The following NRXN3 variants were observed in gnomAD, a reference collection of about 807,000 sequenced individuals.
NRXN3 encodes neurexin 3, also known as neurexin III.
A neutral mutation model predicts 137.6 loss-of-function variants in NRXN3; 32 were observed. The observed-to-expected ratio is 0.23, with a 90% CI of 0.18 to 0.31. The LOEUF is 0.31. Ranked by LOEUF, NRXN3 falls within the 10% of genes least tolerant of loss-of-function variation. NRXN3 has a pLI of 1.00. For synonymous variants in NRXN3, 798 were observed against 784.5 expected (o/e 1.02, Z -0.29); for missense variants, 1,574 against 2,062.5 (o/e 0.76, Z 4.59).
At chr14:79,630,464 T>C (rs1427355897) in intron 16 of NRXN3, among the ~76,000 whole-genome samples, 1 of 152,214 alleles carries the variant, frequency 6.6e-6, no homozygotes, top group Non-Finnish European at 1.5e-5. Flanking sequence ...TTAACTGTTC[T>C]TGTCACTTTG....
chr14:78,228,614 T>G (rs1184921917), intron 1 of NRXN3, among the ~76,000 whole-genome samples: 2 of 152,212 alleles, frequency 1.3e-5, no homozygotes, highest in Non-Finnish European at 2.9e-5. Context: ...CCCTTTCATG[T>G]AAGTGCTAAT....
At chr14:79,616,005 G>C (rs1400107948) in intron 16 of NRXN3, among the ~76,000 whole-genome samples, 1 of 152,156 alleles carries the variant, frequency 6.6e-6, no homozygotes, top group Non-Finnish European at 1.5e-5. Flanking sequence ...ATACCCAGCA[G>C]TATGAAGAAG....
At chr14:78,969,495 G>C (rs1427443110) in intron 14 of NRXN3, among the ~76,000 whole-genome samples, 1 of 152,064 alleles carries the variant, frequency 6.6e-6, no homozygotes, top group Non-Finnish European at 1.5e-5. Flanking sequence ...GCAATATATT[G>C]TGTTTCCTTG....
chr14:78,656,657 G>C (rs1022585926), intron 6 of NRXN3, among the ~76,000 whole-genome samples: 1 of 152,062 alleles, frequency 6.6e-6, no homozygotes, highest in African/African-American at 2.4e-5. Flanking sequence ...TTACCCATCA[G>C]GCCTTCATTC....
chr14:79,826,522 T>C (rs539776724), intron 20 of NRXN3, among the ~76,000 whole-genome samples: 25 of 152,318 alleles, frequency 1.6e-4, no homozygotes, highest in African/African-American at 6.0e-4. Flanking sequence ...CCTGAACCAT[T>C]TGAAACTCAG....
At chr14:79,531,197 T>A (rs2153719564) in intron 16 of NRXN3, among the ~76,000 whole-genome samples, 1 of 152,318 alleles carries the variant, frequency 6.6e-6, no homozygotes, top group Non-Finnish European at 1.5e-5. Flanking sequence ...AATGCTATGC[T>A]CATACCCTAG....
At chr14:79,189,290 A>G (rs2063934724) in intron 15 of NRXN3, among the ~76,000 whole-genome samples, 1 of 151,534 alleles carries the variant, frequency 6.6e-6, no homozygotes, top group Non-Finnish European at 1.5e-5. Context: ...CACAAGAACA[A>G]AAAACCAAAC....
chr14:79,198,376 A>G (rs2065430218), intron 15 of NRXN3, among the ~76,000 whole-genome samples: 4 of 152,254 alleles, frequency 2.6e-5, no homozygotes, highest in Admixed American at 2.6e-4. Context: ...CATACAGTAT[A>G]GGGAACAGCC....
rs145113400 is a variant in NRXN3 at position 79,358,607 on chromosome 14, G to A, written c.3263-108614G>A. Among the ~76,000 whole-genome samples the A allele has an allele frequency of 1.4e-3, 112 of 79,978 alleles. 1 individual carries two copies. Among genetic ancestry groups the A allele is most frequent in the African/African-American group, 3.2e-3 (77 of 24,020 alleles). The allele number at this position is 79,978 out of a possible 152,430, so 52.5% of individuals were successfully genotyped here. A position where few individuals can be genotyped will look rare whatever the true frequency, so the allele number is the denominator to read the frequency against. On this transcript the variant is annotated intron_variant, in intron 15 of 20. Transcript: ENST00000335750. ...AGAGAGAAAGAAAGAAAGAAAGAAA[G>A]AGAAAGAAAGAAAGAAAGAAAGAAA...
intron 15 of NRXN3, among the ~76,000 whole-genome samples, chr14:79,072,872 C>T (rs1047221747): frequency 2.4e-5 from 3 of 126,274 alleles, no homozygotes; most frequent in Non-Finnish European, 3.7e-5. Flanking sequence ...TATGTGTTTT[C>T]TCTCTCTCTC....
At chr14:79,825,326 A>G (rs1271143576) in intron 20 of NRXN3, among the ~76,000 whole-genome samples, 1 of 150,392 alleles carries the variant, frequency 6.6e-6, no homozygotes. Context: ...TGTTCACCCT[A>G]TCAGTTGTCA....
chr14:78,201,535 G>A (rs972429925), intron 1 of NRXN3, among the ~76,000 whole-genome samples: 2 of 152,234 alleles, frequency 1.3e-5, no homozygotes, highest in African/African-American at 4.8e-5. Flanking sequence ...TGGGGGCAGT[G>A]GTGAAGGAGC....
intron 15 of NRXN3, among the ~76,000 whole-genome samples, chr14:79,119,415 A>C (rs758914173): frequency 1.3e-5 from 2 of 152,166 alleles, no homozygotes; most frequent in Non-Finnish European, 2.9e-5. Flanking sequence ...AAAAGTCTAA[A>C]TGTTTTCCTA....
chr14:79,325,891 T>G (rs561402541), intron 15 of NRXN3, among the ~76,000 whole-genome samples: 1 of 152,160 alleles, frequency 6.6e-6, no homozygotes, highest in Admixed American at 6.5e-5. Flanking sequence ...CTTTGAGATA[T>G]ATAGTAGCTC....
intron 4 of NRXN3, among the ~76,000 whole-genome samples, chr14:78,633,361 A>G (rs2097539920): frequency 6.6e-6 from 1 of 151,988 alleles, no homozygotes. Context: ...ATAATTGAAT[A>G]TGCAATCACT....
intron 6 of NRXN3, among the ~76,000 whole-genome samples, chr14:78,684,874 A>G (rs1343797585): frequency 6.6e-6 from 1 of 152,192 alleles, no homozygotes; most frequent in Non-Finnish European, 1.5e-5. Flanking sequence ...AGTTATACAT[A>G]AATATCATGC....
chr14:78,619,696 G>T (rs2097380512), intron 4 of NRXN3, among the ~76,000 whole-genome samples: 1 of 151,966 alleles, frequency 6.6e-6, no homozygotes, highest in Non-Finnish European at 1.5e-5. Flanking sequence ...TGCAAAGAGG[G>T]TGCCTTGCTT....
chr14:78,918,662 G>A (rs1474816676), intron 10 of NRXN3, among the ~76,000 whole-genome samples: 1 of 152,082 alleles, frequency 6.6e-6, no homozygotes, highest in African/African-American at 2.4e-5. Flanking sequence ...TTCTACTTAG[G>A]AACTCAGTTC....
chr14:79,137,538 A>G (rs1297487834), intron 15 of NRXN3, among the ~76,000 whole-genome samples: 1 of 152,242 alleles, frequency 6.6e-6, no homozygotes, highest in Non-Finnish European at 1.5e-5. Context: ...AAGAGTGAGT[A>G]ATAAAATAAG....
Sources: allele counts gnomAD v4.1 joint callset (sites outside exome capture counted in the v4.1 genomes callset), GRCh38; gene constraint gnomAD v4.1.1; transcripts MANE v1.5; gene names NCBI Gene and HGNC (gene_info 2026-07-23, HGNC 2026-07-21).